The following BMAL1 variants were observed in gnomAD, a reference collection of about 807,000 sequenced individuals.
BMAL1 encodes basic helix-loop-helix ARNT-like protein 1.
the BMAL1 span, among the ~76,000 whole-genome samples, chr11:13,384,105 T>A: frequency 2.6e-5 from 4 of 152,208 alleles, no homozygotes; most frequent in African/African-American, 7.2e-5. Flanking sequence ...TTTGGGTATT[T>A]AGAATACTTT....
chr11:13,344,050 C>T, the BMAL1 span, among the ~76,000 whole-genome samples: 1 of 152,156 alleles, frequency 6.6e-6, no homozygotes, highest in East Asian at 1.9e-4. Context: ...CCCTGACAAC[C>T]AGCACCTTTG....
the BMAL1 span, among the ~76,000 whole-genome samples, chr11:13,314,410 G>A: frequency 1.3e-5 from 2 of 152,260 alleles, no homozygotes; most frequent in East Asian, 3.9e-4. Context: ...TGAAATGGGA[G>A]GTTCATTGGC....
the BMAL1 span, among the ~76,000 whole-genome samples, chr11:13,310,317 G>A: frequency 2.0e-5 from 3 of 152,102 alleles, no homozygotes; most frequent in Non-Finnish European, 4.4e-5. Flanking sequence ...CTTATGGAGA[G>A]GTGGAGCTTT....
chr11:13,372,116 A>G, the BMAL1 span: 9 of 1,607,554 alleles, frequency 5.6e-6, no homozygotes, highest in East Asian at 1.8e-4. Flanking sequence ...GTACACCTCC[A>G]TGGCCCAAAC....
At chr11:13,281,233 G>A in the BMAL1 span, among the ~76,000 whole-genome samples, 1 of 152,102 alleles carries the variant, frequency 6.6e-6, no homozygotes, top group African/African-American at 2.4e-5. Flanking sequence ...GGAGAGGAAG[G>A]ATGGAAGAGG....
the BMAL1 span, among the ~76,000 whole-genome samples, chr11:13,332,125 A>C: frequency 1.3e-5 from 2 of 152,132 alleles, no homozygotes; most frequent in Non-Finnish European, 1.5e-5. Flanking sequence ...TACTACAGAG[A>C]AGGTCAGAGG....
At chr11:13,289,675 T>G in the BMAL1 span, among the ~76,000 whole-genome samples, 8 of 152,212 alleles carry the variant, frequency 5.3e-5, no homozygotes, top group Non-Finnish European at 1.0e-4. Context: ...GAATGATGGT[T>G]TCTAGCTTCA....
chr11:13,375,510 T>A, the BMAL1 span: 1 of 987,050 alleles, frequency 1.0e-6, no homozygotes, highest in South Asian at 2.0e-5. Flanking sequence ...TAAAGAGCGA[T>A]GTCGTTGGAG....
chr11:13,288,636 C>T, the BMAL1 span, among the ~76,000 whole-genome samples: 1 of 151,794 alleles, frequency 6.6e-6, no homozygotes, highest in African/African-American at 2.4e-5. Context: ...ATTTTAGTGA[C>T]ATGAAATATT....
the BMAL1 span, among the ~76,000 whole-genome samples, chr11:13,327,276 A>G: frequency 1.6e-3 from 243 of 152,286 alleles, no homozygotes; most frequent in Middle Eastern, 0.014. Flanking sequence ...ATGAAATAAC[A>G]TGTAATTTCC....
the BMAL1 span, among the ~76,000 whole-genome samples, chr11:13,300,657 AT>A: frequency 2.0e-5 from 3 of 152,236 alleles, no homozygotes; most frequent in African/African-American, 7.2e-5. Context: ...TCTTAAGGAT[AT>A]TTTTAGAAAT....
At chr11:13,306,156 A>G in the BMAL1 span, among the ~76,000 whole-genome samples, 8 of 152,090 alleles carry the variant, frequency 5.3e-5, no homozygotes, top group African/African-American at 1.9e-4. Context: ...GTTGGGGGAA[A>G]TTGGAGCGTA....
At chr11:13,287,369 A>G in the BMAL1 span, among the ~76,000 whole-genome samples, 1 of 152,156 alleles carries the variant, frequency 6.6e-6, no homozygotes. Flanking sequence ...GAGTTGGTAC[A>G]AGAAGTTATT....
At chr11:13,369,877 G>A in the BMAL1 span, 1 of 1,412,462 alleles carries the variant, frequency 7.1e-7, no homozygotes, top group African/African-American at 1.4e-5. Context: ...CAGAGTGGCA[G>A]GTCCCAGGAC....
chr11:13,360,855 C>T, the BMAL1 span, among the ~76,000 whole-genome samples: 4 of 152,316 alleles, frequency 2.6e-5, no homozygotes, highest in East Asian at 1.9e-4. Flanking sequence ...CTGTGGCTCA[C>T]GCCTATAATC....
At chr11:13,281,606 C>G in the BMAL1 span, among the ~76,000 whole-genome samples, 1 of 152,070 alleles carries the variant, frequency 6.6e-6, no homozygotes, top group African/African-American at 2.4e-5. Flanking sequence ...CCTCCCAAGT[C>G]TCAGGTAATC....
the BMAL1 span, among the ~76,000 whole-genome samples, chr11:13,323,117 G>T: frequency 6.6e-6 from 1 of 151,890 alleles, no homozygotes; most frequent in East Asian, 1.9e-4. Context: ...AGTCTTAAAA[G>T]ATGAGTAGGA....
chr11:13,311,854 G>T, the BMAL1 span, among the ~76,000 whole-genome samples: 1 of 152,196 alleles, frequency 6.6e-6, no homozygotes, highest in Non-Finnish European at 1.5e-5. Flanking sequence ...GATGTGATCT[G>T]TTGGGGAAGT....
chr11:13,339,640 C>T, the BMAL1 span, among the ~76,000 whole-genome samples: 3 of 152,144 alleles, frequency 2.0e-5, no homozygotes, highest in African/African-American at 7.2e-5. Flanking sequence ...GGTCGCTGGT[C>T]CCCTAGCACT....
Sources: allele counts gnomAD v4.1 joint callset (sites outside exome capture counted in the v4.1 genomes callset), GRCh38; gene constraint gnomAD v4.1.1; transcripts MANE v1.5; gene names NCBI Gene and HGNC (gene_info 2026-07-23, HGNC 2026-07-21).